The following SCAPER variants were observed in gnomAD, a reference collection of about 807,000 sequenced individuals.
SCAPER encodes the protein S-phase cyclin A associated protein in the ER, also known as S phase cyclin A-associated protein in the endoplasmic reticulum.
A neutral mutation model predicts 182.2 loss-of-function variants in SCAPER; 98 were observed. The observed-to-expected ratio is 0.54, with a 90% CI of 0.46 to 0.64. The LOEUF (loss-of-function observed/expected upper bound fraction) is 0.64. SCAPER is among the 30% of genes least tolerant of loss of function. The pLI is 0.00. For missense variants in SCAPER, 1,432 were observed against 1,690.0 expected, an observed-to-expected ratio of 0.85 and a Z score of 2.68; for synonymous variants, 605 against 564.6, an observed-to-expected ratio of 1.07 and a Z score of -1.01.
At chr15:76,460,955 A>G (rs1057177685) in intron 25 of SCAPER, among the ~76,000 whole-genome samples, 6 of 152,300 alleles carry the variant, frequency 3.9e-5, no homozygotes, top group Admixed American at 6.5e-5. Flanking sequence ...TACAGACCTT[A>G]TAAGAGTTTT....
chr15:76,677,931 A>G (rs901217774), intron 20 of SCAPER, among the ~76,000 whole-genome samples: 3 of 152,024 alleles, frequency 2.0e-5, no homozygotes, highest in African/African-American at 7.2e-5. Context: ...AAAATAGAAT[A>G]GGCAGGAAAT....
intron 27 of SCAPER, among the ~76,000 whole-genome samples, chr15:76,388,397 AG>A (rs1009107426): frequency 1.4e-4 from 21 of 152,122 alleles, no homozygotes; most frequent in Non-Finnish European, 2.4e-4. Context: ...TCAAGGCTGC[AG>A]TGAGCTATCA....
chr15:76,540,787 A>T (rs2044672441), intron 23 of SCAPER, among the ~76,000 whole-genome samples: 1 of 152,020 alleles, frequency 6.6e-6, no homozygotes, highest in Non-Finnish European at 1.5e-5. Flanking sequence ...TTAGCCCAAT[A>T]AATTATAGTA....
At chr15:76,614,010 T>C (rs2051228107) in intron 22 of SCAPER, among the ~76,000 whole-genome samples, 1 of 152,064 alleles carries the variant, frequency 6.6e-6, no homozygotes, top group Non-Finnish European at 1.5e-5. Flanking sequence ...TGCCCACAAA[T>C]GATAGACTGG....
intron 7 of SCAPER, among the ~76,000 whole-genome samples, chr15:76,799,800 G>C: frequency 6.6e-6 from 1 of 152,100 alleles, no homozygotes; most frequent in Non-Finnish European, 1.5e-5. Context: ...GGGTGCTTTT[G>C]GGGTCTTTTG....
chr15:76,383,937 A>G (rs981244250), intron 27 of SCAPER, among the ~76,000 whole-genome samples: 1 of 152,204 alleles, frequency 6.6e-6, no homozygotes, highest in Admixed American at 6.5e-5. Flanking sequence ...TAAAAACAAA[A>G]GTTTAAGAAA....
At chr15:76,877,581 T>C (rs1201745807) in intron 2 of SCAPER, among the ~76,000 whole-genome samples, 7 of 152,230 alleles carry the variant, frequency 4.6e-5, no homozygotes, top group Non-Finnish European at 1.5e-5. Flanking sequence ...ATTCACATCA[T>C]ATACCTCCTA....
At chr15:76,626,806 G>T (rs2146187302) in intron 21 of SCAPER, among the ~76,000 whole-genome samples, 1 of 152,312 alleles carries the variant, frequency 6.6e-6, no homozygotes, top group South Asian at 2.1e-4. Flanking sequence ...TTTCCTGAAG[G>T]AAATGGAATG....
chr15:76,856,642 C>T (rs1200485525), intron 4 of SCAPER, among the ~76,000 whole-genome samples: 3 of 151,642 alleles, frequency 2.0e-5, no homozygotes, highest in Non-Finnish European at 4.4e-5. Context: ...CCATGTTTTT[C>T]TCATATGAAA....
At chr15:76,633,801 G>A (rs1289452394) in intron 21 of SCAPER, among the ~76,000 whole-genome samples, 1 of 152,228 alleles carries the variant, frequency 6.6e-6, no homozygotes, top group South Asian at 2.1e-4. Flanking sequence ...CAGCTGACTG[G>A]AGCCACAGTG....
At chr15:76,865,632 G>A (rs1308515080) in intron 2 of SCAPER, among the ~76,000 whole-genome samples, 1 of 152,056 alleles carries the variant, frequency 6.6e-6, no homozygotes, top group Non-Finnish European at 1.5e-5. Flanking sequence ...GTAAGAAAGA[G>A]GGAATGACAA....
chr15:76,458,421 CACAT>C (rs2048909718), intron 25 of SCAPER, among the ~76,000 whole-genome samples: 1 of 151,708 alleles, frequency 6.6e-6, no homozygotes, highest in South Asian at 2.1e-4. Context: ...CACACACACA[CACAT>C]ATATATACAC....
chr15:76,495,615 G>A (rs981505553), intron 24 of SCAPER, among the ~76,000 whole-genome samples: 2 of 146,060 alleles, frequency 1.4e-5, no homozygotes, highest in Admixed American at 6.9e-5. Flanking sequence ...AGAGAGAGAC[G>A]ATGCAATGCT....
chr15:76,428,866 C>CGATATATATATA (rs1555432006), intron 26 of SCAPER, among the ~76,000 whole-genome samples: 1 of 79,954 alleles, frequency 1.3e-5, no homozygotes, highest in Non-Finnish European at 2.3e-5. Context: ...GATCATTATA[C>CGATATATATATA]TATATATATA....
intron 31 of SCAPER, chr15:76,350,728 C>T (rs1392820881): frequency 6.6e-6 from 1 of 152,274 alleles, no homozygotes; most frequent in African/African-American, 2.4e-5. Flanking sequence ...AATCTTTTGC[C>T]CTGGACTTTG....
intron 20 of SCAPER, among the ~76,000 whole-genome samples, chr15:76,700,801 A>G (rs923931629): frequency 3.9e-5 from 6 of 152,202 alleles, no homozygotes; most frequent in African/African-American, 1.4e-4. Flanking sequence ...CATAAACAAT[A>G]GGGATCACTT....
Position 76,601,004 on chromosome 15 carries a change from T to C in SCAPER, c.2711+20760A>G, listed in dbSNP as rs769132545. The stretch of plus-strand genomic sequence containing the variant: ...ACTCAAAAAACAACAACAGAAGAAA[T>C]TTCTAATACTAGCAACAAAAACCGA... On this transcript the variant is annotated intron_variant, in intron 22 of 31. Transcript: ENST00000563290. 1.2e-4 allele frequency among the ~76,000 whole-genome samples: 15 copies of C among 121,584 alleles called. 5 individuals carry two copies. Among genetic ancestry groups the C allele is most frequent in the Non-Finnish European group, 2.8e-4 (14 of 50,090 alleles). The allele number at this position is 121,584 out of a possible 152,430, so 79.8% of individuals were successfully genotyped here. A position where few individuals can be genotyped will look rare whatever the true frequency, so the allele number is the denominator to read the frequency against.
intron 24 of SCAPER, among the ~76,000 whole-genome samples, chr15:76,486,913 T>A (rs2051708553): frequency 6.6e-6 from 1 of 152,182 alleles, no homozygotes; most frequent in Admixed American, 6.5e-5. Context: ...GCAGCACTAT[T>A]CACAATAACA....
intron 5 of SCAPER, among the ~76,000 whole-genome samples, chr15:76,836,348 G>A (rs2068951097): frequency 6.6e-6 from 1 of 152,086 alleles, no homozygotes; most frequent in African/African-American, 2.4e-5. Context: ...AACCAAAATA[G>A]CATGGTACAA....
Sources: gnomAD v4.1 joint callset for allele counts (sites outside exome capture counted in the v4.1 genomes callset) on GRCh38, gnomAD v4.1.1 for gene constraint, MANE v1.5 for transcripts, NCBI Gene and HGNC (gene_info 2026-07-23, HGNC 2026-07-21) for gene names.